The following KLF12 variants were observed in gnomAD, a reference collection of about 807,000 sequenced individuals.
KLF12 encodes the protein KLF transcription factor 12.
KLF12 carries 9 observed loss-of-function variants against 37.8 expected under a neutral mutation model. The ratio of observed to expected loss-of-function variants is 0.24; its 90% CI spans 0.14 to 0.42. The LOEUF is 0.42. Among genes scored for constraint, KLF12 ranks in the 10% least tolerant of loss-of-function variants. The pLI, the probability that KLF12 is intolerant of heterozygous loss-of-function variation, is 1.00. For missense variants in KLF12, 411 were observed against 516.0 expected, an observed-to-expected ratio of 0.80 and a Z score of 1.97; for synonymous variants, 208 against 202.1, an observed-to-expected ratio of 1.03 and a Z score of -0.25.
chr13:73,910,230 A>G (rs1185505680), intron 3 of KLF12, among the ~76,000 whole-genome samples: 1 of 152,172 alleles, frequency 6.6e-6, no homozygotes, highest in Admixed American at 6.5e-5. Flanking sequence ...TTCCCCAGAA[A>G]AAGTTTGGAA....
intron 1 of KLF12, among the ~76,000 whole-genome samples, chr13:74,032,070 C>T (rs970902797): frequency 2.0e-5 from 3 of 152,098 alleles, no homozygotes; most frequent in Non-Finnish European, 2.9e-5. Flanking sequence ...CGTACAGAGG[C>T]CTCCTCACAC....
chr13:74,133,376 GCAA>G (rs1878375192), intron 1 of KLF12, among the ~76,000 whole-genome samples: 3 of 150,574 alleles, frequency 2.0e-5, no homozygotes, highest in Admixed American at 2.0e-4. Context: ...CAACTGTCAG[GCAA>G]ACACTGCAAC....
chr13:73,720,162 T>C (rs1876128791), intron 6 of KLF12, among the ~76,000 whole-genome samples: 1 of 152,136 alleles, frequency 6.6e-6, no homozygotes, highest in East Asian at 1.9e-4. Context: ...GAAAGACCCT[T>C]ACTCCTGGCA....
chr13:74,056,357 G>T (rs1055744570), intron 1 of KLF12, among the ~76,000 whole-genome samples: 1 of 152,180 alleles, frequency 6.6e-6, no homozygotes, highest in Non-Finnish European at 1.5e-5. Flanking sequence ...ATTTGTTCCT[G>T]TATGTTCGTT....
At chr13:73,908,388 C>A (rs1474830932) in intron 3 of KLF12, among the ~76,000 whole-genome samples, 1 of 129,322 alleles carries the variant, frequency 7.7e-6, no homozygotes, top group Non-Finnish European at 1.6e-5. Context: ...GGTGACAGAG[C>A]GAGACTCTGT....
At chr13:74,282,147 C>T in the KLF12 span, among the ~76,000 whole-genome samples, 1 of 152,114 alleles carries the variant, frequency 6.6e-6, no homozygotes. Flanking sequence ...TGGCAACAAG[C>T]TCCAGGCTCC....
the KLF12 span, among the ~76,000 whole-genome samples, chr13:74,225,165 G>A: frequency 6.6e-6 from 1 of 152,010 alleles, no homozygotes; most frequent in African/African-American, 2.4e-5. Context: ...GCATCTTCAG[G>A]AAGAATTTGA....
chr13:73,877,777 T>C (rs1594203273), intron 3 of KLF12, among the ~76,000 whole-genome samples: 2 of 152,300 alleles, frequency 1.3e-5, no homozygotes, highest in East Asian at 1.9e-4. Flanking sequence ...GATCTTATTA[T>C]TATTGATATG....
intron 4 of KLF12, among the ~76,000 whole-genome samples, chr13:73,840,926 A>T (rs957207337): frequency 6.6e-6 from 1 of 152,034 alleles, no homozygotes; most frequent in Non-Finnish European, 1.5e-5. Context: ...TTGAACCTGC[A>T]GCTCTCTCTT....
At chr13:74,196,653 C>A in the KLF12 span, among the ~76,000 whole-genome samples, 1 of 152,142 alleles carries the variant, frequency 6.6e-6, no homozygotes, top group Non-Finnish European at 1.5e-5. Context: ...TTAGCCTGAG[C>A]ATGGTCACAG....
the KLF12 span, among the ~76,000 whole-genome samples, chr13:74,173,721 G>C: frequency 6.6e-6 from 1 of 152,186 alleles, no homozygotes; most frequent in African/African-American, 2.4e-5. Flanking sequence ...GACATTTAAA[G>C]ATTTGGTCTT....
intron 1 of KLF12, among the ~76,000 whole-genome samples, chr13:74,104,750 A>G (rs1876558025): frequency 6.6e-6 from 1 of 152,186 alleles, no homozygotes; most frequent in Non-Finnish European, 1.5e-5. Context: ...ATTTATTTTA[A>G]GAAGCAACAG....
the KLF12 span, among the ~76,000 whole-genome samples, chr13:74,250,950 C>T: frequency 6.6e-6 from 1 of 152,122 alleles, no homozygotes; most frequent in Non-Finnish European, 1.5e-5. Flanking sequence ...TCCCAGTCTT[C>T]CCTAGTTCTT....
the KLF12 span, among the ~76,000 whole-genome samples, chr13:74,165,621 G>C: frequency 2.0e-5 from 3 of 152,116 alleles, no homozygotes; most frequent in African/African-American, 7.2e-5. Flanking sequence ...AGTTGCACTT[G>C]TTCCGTGGTT....
chr13:74,171,148 C>G, the KLF12 span, among the ~76,000 whole-genome samples: 2 of 152,196 alleles, frequency 1.3e-5, no homozygotes, highest in Non-Finnish European at 2.9e-5. Context: ...CAAACCAGGT[C>G]TCCTGATGCC....
intron 2 of KLF12, among the ~76,000 whole-genome samples, chr13:73,982,090 A>T (rs976231438): frequency 2.0e-5 from 3 of 152,006 alleles, no homozygotes; most frequent in Non-Finnish European, 2.9e-5. Flanking sequence ...TGCTTTGTTG[A>T]CTAGAGTGAT....
intron 1 of KLF12, among the ~76,000 whole-genome samples, chr13:74,014,212 T>C (rs1892625944): frequency 6.6e-6 from 1 of 152,188 alleles, no homozygotes; most frequent in South Asian, 2.1e-4. Flanking sequence ...AGAAGGGCCC[T>C]GGAACACTGT....
At chr13:74,226,869 T>C in the KLF12 span, among the ~76,000 whole-genome samples, 4 of 152,108 alleles carry the variant, frequency 2.6e-5, no homozygotes, top group East Asian at 1.9e-4. Flanking sequence ...TCTAGACTAG[T>C]AGGGATTGAG....
chr13:73,815,089 G>A (rs1475355131), intron 4 of KLF12, among the ~76,000 whole-genome samples: 2 of 150,980 alleles, frequency 1.3e-5, no homozygotes, highest in African/African-American at 4.9e-5. Context: ...CTCCTCAAAT[G>A]TTAGGAATTA....
Sources: allele counts gnomAD v4.1 joint callset (sites outside exome capture counted in the v4.1 genomes callset), GRCh38; gene constraint gnomAD v4.1.1; transcripts MANE v1.5; gene names NCBI Gene and HGNC (gene_info 2026-07-23, HGNC 2026-07-21).